Variants in TXLNG observed in about 807,000 individuals in gnomAD.
The protein encoded by TXLNG is gamma-taxilin.
In TXLNG, 5 loss-of-function variants were observed where a neutral mutation model predicts 38.8. The ratio of observed to expected loss-of-function variants is 0.13; its 90% CI spans 0.07 to 0.27. The LOEUF is 0.27. Ranked by LOEUF, TXLNG falls within the 10% of genes least tolerant of loss-of-function variation. The probability of loss-of-function intolerance (pLI) is 1.00; values close to 1 mark genes in which losing one functional copy is unlikely to be tolerated. For missense variants in TXLNG, 393 were observed against 398.2 expected (o/e 0.99, Z 0.11); for synonymous variants, 182 against 158.2 (o/e 1.15, Z -1.13).
chrX:16,801,088 C>T (rs969187222), intron 1 of TXLNG, among the ~76,000 whole-genome samples: 8 of 112,909 alleles, frequency 7.1e-5, no homozygotes, highest in Non-Finnish European at 1.5e-4. Context: ...CCCTGGGCCT[C>T]GCCAGAAGCG....
chrX:16,811,599 C>T (rs190708867), intron 1 of TXLNG, among the ~76,000 whole-genome samples: 127 of 106,668 alleles, frequency 1.2e-3, no homozygotes, highest in African/African-American at 4.2e-3. Context: ...CTGCTTGCCT[C>T]GGCCTCCCAA....
chrX:16,823,458 CAAAAAA>C (rs11311011), intron 3 of TXLNG, among the ~76,000 whole-genome samples: 2 of 24,959 alleles, frequency 8.0e-5, no homozygotes, highest in Admixed American at 7.1e-4. Flanking sequence ...AACTCTGTCT[CAAAAAA>C]AAAAAAAAAA....
chrX:16,795,919 T>C (rs1888736275), intron 1 of TXLNG, among the ~76,000 whole-genome samples: 1 of 108,867 alleles, frequency 9.2e-6, no homozygotes, highest in Non-Finnish European at 1.9e-5. Flanking sequence ...TTCAAACAGT[T>C]CTCCAGCCTC....
At chrX:16,829,029 AT>A (rs1050004483) in intron 4 of TXLNG, among the ~76,000 whole-genome samples, 25 of 108,546 alleles carry the variant, frequency 2.3e-4, no homozygotes, top group African/African-American at 7.3e-4. Flanking sequence ...AGTAAGTGGT[AT>A]TTTTTTTTTC....
intron 2 of TXLNG, among the ~76,000 whole-genome samples, chrX:16,819,576 A>G (rs1928866708): frequency 8.9e-6 from 1 of 111,904 alleles, no homozygotes; most frequent in African/African-American, 3.2e-5. Flanking sequence ...CTCTCTGCCA[A>G]AGTCCTTACA....
At position 16,832,690 on chromosome X, in the gene TXLNG, C is replaced by T. The variant is rs777080760; in HGVS notation, c.932C>T (p.Thr311Met). The change falls in exon 6 of 10, where the codon ACG (threonine) becomes ATG (methionine). Residue 311 changes from threonine (T) to methionine (M), a missense_variant. Transcript: ENST00000380122. ...CTCGTGGATGCCAAACTGCAGCAAACGACACAACTGATAAAAGAAGCTGAT... is the reference window on the plus strand; with the variant it reads ...CTCGTGGATGCCAAACTGCAGCAAATGACACAACTGATAAAAGAAGCTGAT... ...QQLVDAKLQQ[T>M]TQLIKEADEK... 16 of 1,206,080 alleles carry T rather than the reference C, an allele frequency of 1.3e-5. No individual in the cohort carries two copies. The highest frequency in any genetic ancestry group is 1.8e-5 in the African/African-American group (1 of 56,974).
intron 1 of TXLNG, among the ~76,000 whole-genome samples, chrX:16,797,823 C>T (rs763446600): frequency 1.8e-5 from 2 of 112,710 alleles, no homozygotes; most frequent in Non-Finnish European, 1.9e-5. Context: ...AGCTGCCATA[C>T]ATGTTAACAT....
intron 7 of TXLNG, among the ~76,000 whole-genome samples, chrX:16,835,655 G>A (rs142956226): frequency 8.9e-6 from 1 of 111,953 alleles, no homozygotes; most frequent in Non-Finnish European, 1.9e-5. Flanking sequence ...TGTCACCATC[G>A]TAGCTTCTGT....
rs988193434 is a variant in TXLNG, at chrX:16,786,657, C to T, written c.102+68C>T. Reference sequence around the variant, plus strand: ...TGTTTGGGCTCCCTTTTTCAGGGTCCACCTCTTCTCTCTCCCTGGTTACCT... The same window carrying T: ...TGTTTGGGCTCCCTTTTTCAGGGTCTACCTCTTCTCTCTCCCTGGTTACCT... On this transcript the variant is annotated intron_variant, in intron 1 of 9. Transcript: ENST00000380122. 3.1e-5 allele frequency: 24 copies of T among 763,480 alleles called. No homozygotes were observed. In the African/African-American group the frequency reaches 4.1e-4, roughly 13 times the overall value. 62.9% of individuals were successfully genotyped at this position (763,480 alleles called of 1,213,427 possible).
chrX:16,821,863 A>G (rs368961011), intron 3 of TXLNG, among the ~76,000 whole-genome samples: 38 of 107,215 alleles, frequency 3.5e-4, no homozygotes, highest in Non-Finnish European at 4.8e-4. Context: ...GCATGGTGGC[A>G]GGCGCCTGTA....
At chrX:16,841,357 G>A in intron 9 of TXLNG, 71 bp from the exon 10 acceptor site, 1 of 990,110 alleles carries the variant, frequency 1.0e-6, no homozygotes, top group Admixed American at 2.9e-5. Context: ...CAATATGGCT[G>A]AGCTGGCTTA....
chrX:16,801,619 A>G (rs183145991), intron 1 of TXLNG, among the ~76,000 whole-genome samples: 2 of 109,773 alleles, frequency 1.8e-5, no homozygotes, highest in Non-Finnish European at 3.8e-5. Flanking sequence ...CAACTGATTT[A>G]TTTAAAGGCA....
intron 9 of TXLNG, 65 bp downstream of exon 9, chrX:16,839,981 T>G: frequency 1.2e-6 from 1 of 862,257 alleles, no homozygotes; most frequent in Non-Finnish European, 1.6e-6. Flanking sequence ...TTCAGGTACC[T>G]ATCGGGGCCG....
intron 5 of TXLNG, among the ~76,000 whole-genome samples, chrX:16,830,830 C>CGT (rs1186714021): frequency 0.064 from 2,423 of 37,912 alleles, 206 homozygotes; most frequent in African/African-American, 0.084. Context: ...ACCGTAATTC[C>CGT]GTGTGTGTGT....
At chrX:16,810,441 A>C (rs1172815370) in intron 1 of TXLNG, among the ~76,000 whole-genome samples, 1 of 111,936 alleles carries the variant, frequency 8.9e-6, no homozygotes, top group East Asian at 2.8e-4. Flanking sequence ...GTAGGTTGTT[A>C]ATTGAATAGT....
At position 16,841,775 on chromosome X, in the gene TXLNG, G is replaced by C. The variant is rs1408453615; in HGVS notation, c.*9G>C. ...TCGAGTCGGTTGACTAAGATGAGGT[G>C]TGATCACTGTATTGAGAGATATATT... On this transcript the variant is annotated 3_prime_UTR_variant, in exon 10 of 10. Transcript: ENST00000380122. 2 of 1,195,634 alleles carry C rather than the reference G, an allele frequency of 1.7e-6. No individual in the cohort carries two copies. Among genetic ancestry groups the C allele is most frequent in the African/African-American group, 3.5e-5 (2 of 56,856 alleles).
chrX:16,831,117 T>C (rs188760792), intron 5 of TXLNG, among the ~76,000 whole-genome samples: 241 of 111,888 alleles, frequency 2.2e-3, no homozygotes, highest in African/African-American at 7.5e-3. Context: ...AGTATAACCA[T>C]AATACCAGTT....
intron 1 of TXLNG, among the ~76,000 whole-genome samples, chrX:16,797,441 G>A (rs1424494805): frequency 8.9e-6 from 1 of 111,768 alleles, no homozygotes; most frequent in Admixed American, 9.6e-5. Context: ...AGGGTTTGTC[G>A]AGGGCTGTAG....
intron 1 of TXLNG, among the ~76,000 whole-genome samples, chrX:16,802,827 T>C (rs1381025365): frequency 9.3e-6 from 1 of 107,821 alleles, no homozygotes; most frequent in Non-Finnish European, 1.9e-5. Context: ...CTTTCTTTTT[T>C]TTTTTTTTTT....
Sources: gnomAD v4.1 joint callset for allele counts (sites outside exome capture counted in the v4.1 genomes callset) on GRCh38, gnomAD v4.1.1 for gene constraint, MANE v1.5 for transcripts, NCBI Gene and HGNC (gene_info 2026-07-23, HGNC 2026-07-21) for gene names.